Variants in CMIP observed in about 807,000 individuals in gnomAD.
CMIP encodes the protein c-Maf inducing protein, also known as C-Maf-inducing protein.
CMIP carries 13 observed loss-of-function variants against 97.3 expected under a neutral mutation model. The observed-to-expected ratio is 0.13, with a 90% CI of 0.09 to 0.21. The LOEUF (loss-of-function observed/expected upper bound fraction) is 0.21. Among genes scored for constraint, CMIP ranks in the 10% least tolerant of loss-of-function variants. CMIP has a pLI of 1.00. For synonymous variants in CMIP, 538 were observed against 436.3 expected (o/e 1.23, Z -2.91); for missense variants, 847 against 1,024.9 (o/e 0.83, Z 2.37).
At chr16:81,484,210 C>T (rs560023059) in intron 1 of CMIP, among the ~76,000 whole-genome samples, 22 of 152,288 alleles carry the variant, frequency 1.4e-4, no homozygotes, top group Non-Finnish European at 2.9e-4. Flanking sequence ...TGGCGGACCT[C>T]GCCCGTTCCC....
At chr16:81,694,378 C>T (rs1906462142) in intron 13 of CMIP, among the ~76,000 whole-genome samples, 1 of 152,162 alleles carries the variant, frequency 6.6e-6, no homozygotes, top group Non-Finnish European at 1.5e-5. Flanking sequence ...AGTTCCTCTC[C>T]ATAGAGCCAT....
At chr16:81,492,997 C>T (rs1042246184) in intron 1 of CMIP, among the ~76,000 whole-genome samples, 10 of 152,038 alleles carry the variant, frequency 6.6e-5, no homozygotes, top group East Asian at 1.9e-4. Context: ...TTGCTCCCTG[C>T]GCCCCTGGAA....
At chr16:81,552,142 G>C (rs1016908225) in intron 1 of CMIP, among the ~76,000 whole-genome samples, 1 of 152,138 alleles carries the variant, frequency 6.6e-6, no homozygotes, top group Non-Finnish European at 1.5e-5. Flanking sequence ...TGTAGCGGTG[G>C]CCTGGCTGCA....
intron 1 of CMIP, among the ~76,000 whole-genome samples, chr16:81,526,159 G>C (rs2090130562): frequency 6.6e-6 from 1 of 152,164 alleles, no homozygotes; most frequent in South Asian, 2.1e-4. Context: ...CTATACCTAG[G>C]TGCAGAGAGC....
Position 81,534,724 on chromosome 16 carries a change from G to C in CMIP, c.301-72843G>C, listed in dbSNP as rs1024860345. Reference sequence around the variant, plus strand: ...ACCCAGGATAAATTTTTGGTATAAGGTGTGAGGCAGGGAATAATGCTATTC... The same window carrying C: ...ACCCAGGATAAATTTTTGGTATAAGCTGTGAGGCAGGGAATAATGCTATTC... On this transcript the variant is annotated intron_variant, in intron 1 of 20. Transcript: ENST00000537098. 2.6e-5 allele frequency among the ~76,000 whole-genome samples: 4 copies of C among 152,056 alleles called. No homozygotes were observed. The East Asian group carries it at 7.7e-4, about 29-fold the overall frequency.
At chr16:81,488,677 G>A (rs1386255575) in intron 1 of CMIP, among the ~76,000 whole-genome samples, 1 of 152,050 alleles carries the variant, frequency 6.6e-6, no homozygotes, top group Non-Finnish European at 1.5e-5. Flanking sequence ...TTGCTTTACC[G>A]CAGCACCAGG....
chr16:81,614,516 T>C lies in CMIP; in HGVS notation c.427-6360T>C, dbSNP rs758158563. 3.9e-5 allele frequency among the ~76,000 whole-genome samples: 6 copies of C among 152,086 alleles called. No individual in the cohort carries two copies. The highest frequency in any genetic ancestry group is 8.8e-5 in the Non-Finnish European group (6 of 68,018). On this transcript the variant is annotated intron_variant, in intron 2 of 20. Coordinates refer to ENST00000537098, the MANE Select transcript of CMIP (RefSeq NM_198390.3). The surrounding 1 kb of genome is among the most constrained non-coding windows in gnomAD (Gnocchi z 5.3). The stretch of plus-strand genomic sequence containing the variant: ...ATGATGACCCCAGCAAGTCTGGGTG[T>C]GTGTGTGGTATATGCATTGGTTTCC...
At chr16:81,684,493 G>C (rs894354141) in intron 10 of CMIP, among the ~76,000 whole-genome samples, 2 of 152,232 alleles carry the variant, frequency 1.3e-5, no homozygotes, top group African/African-American at 4.8e-5. Context: ...CCACAGGGCA[G>C]CACAGGGCTC....
intron 1 of CMIP, among the ~76,000 whole-genome samples, chr16:81,514,865 G>A (rs2089882372): frequency 6.6e-6 from 1 of 152,210 alleles, no homozygotes; most frequent in Non-Finnish European, 1.5e-5. Flanking sequence ...GCGCCATGGT[G>A]GCTCTAGCTG....
At chr16:81,458,388 G>A (rs1187310084) in intron 1 of CMIP, among the ~76,000 whole-genome samples, 18 of 152,186 alleles carry the variant, frequency 1.2e-4, no homozygotes, top group Non-Finnish European at 2.9e-5. Context: ...ACAGTCTGGG[G>A]TTCTTCTGTT....
At chr16:81,703,738 G>A (rs936137913) in intron 17 of CMIP, 14 of 626,656 alleles carry the variant, frequency 2.2e-5, no homozygotes, top group South Asian at 1.9e-4. Context: ...TCCATGGGAT[G>A]CGTGGCAGCC....
At chr16:81,600,347 G>C (rs918029752) in intron 1 of CMIP, among the ~76,000 whole-genome samples, 2 of 150,766 alleles carry the variant, frequency 1.3e-5, no homozygotes, top group Non-Finnish European at 2.9e-5. Context: ...GACAATCCAT[G>C]TGTCCATCAG....
intron 1 of CMIP, among the ~76,000 whole-genome samples, chr16:81,536,678 G>A (rs1189960340): frequency 2.0e-5 from 3 of 152,108 alleles, no homozygotes; most frequent in African/African-American, 7.2e-5. Context: ...GAGGCCGAGG[G>A]ACAACAGCAC....
Position 81,614,195 on chromosome 16 carries a change from C to G in CMIP, c.426+6503C>G, listed in dbSNP as rs922359435. Among the ~76,000 whole-genome samples the G allele has an allele frequency of 6.6e-5, 10 of 152,098 alleles. No individual in the cohort carries two copies. The highest frequency in any genetic ancestry group is 4.6e-4 in the Admixed American group (7 of 15,274). On this transcript the variant is annotated intron_variant, in intron 2 of 20. Coordinates refer to ENST00000537098, the MANE Select transcript of CMIP (RefSeq NM_198390.3). This position sits in a 1 kb window ranked among gnomAD's most constrained non-coding sequence, Gnocchi z 5.3. ...GAGAAGGGGGTGACAGCAGAATGTT[C>G]CTGGTGGGGGAGTACACGCTGCATG...
chr16:81,620,438 G>A, intron 2 of CMIP: 1 of 162,658 alleles, frequency 6.1e-6, no homozygotes. Flanking sequence ...GCTGCTGTGA[G>A]GACCAAGGAG....
chr16:81,524,550 G>A (rs767472717), intron 1 of CMIP, among the ~76,000 whole-genome samples: 4 of 152,228 alleles, frequency 2.6e-5, no homozygotes, highest in Non-Finnish European at 2.9e-5. Flanking sequence ...AGCCAGGCAC[G>A]TCATCATTGC....
At chr16:81,472,688 G>T (rs757698170) in intron 1 of CMIP, among the ~76,000 whole-genome samples, 5 of 152,232 alleles carry the variant, frequency 3.3e-5, no homozygotes, top group African/African-American at 1.2e-4. Flanking sequence ...GGGTGAAGGG[G>T]TGGAGAGATG....
intron 1 of CMIP, among the ~76,000 whole-genome samples, chr16:81,448,830 G>A (rs1030394435): frequency 6.6e-6 from 1 of 152,258 alleles, no homozygotes; most frequent in Non-Finnish European, 1.5e-5. Context: ...CCTTTGTGGG[G>A]AAGGGCCTGT....
intron 1 of CMIP, among the ~76,000 whole-genome samples, chr16:81,479,470 A>G (rs1908128172): frequency 6.6e-6 from 1 of 152,066 alleles, no homozygotes; most frequent in South Asian, 2.1e-4. Flanking sequence ...CATCTTCTCA[A>G]ACTGAAACTG....
Sources: gnomAD v4.1 joint callset for allele counts (sites outside exome capture counted in the v4.1 genomes callset) on GRCh38, gnomAD v4.1.1 for gene constraint, Gnocchi (gnomAD v3.1) non-coding constraint, MANE v1.5 for transcripts, NCBI Gene and HGNC (gene_info 2026-07-23, HGNC 2026-07-21) for gene names.